PCDHGA1: variants seen among roughly 807,000 people sequenced by gnomAD.
PCDHGA1 encodes the protein protocadherin gamma-A1.
Under a neutral mutation model 58.0 loss-of-function variants are expected in PCDHGA1, and 32 were observed. The observed-to-expected ratio is 0.55, with a 90% CI of 0.42 to 0.74. The LOEUF is 0.74. Among genes scored for constraint, PCDHGA1 ranks in the 30% least tolerant of loss-of-function variants. The pLI, the probability that PCDHGA1 is intolerant of heterozygous loss-of-function variation, is 0.00. For synonymous variants in PCDHGA1, 498 were observed against 501.1 expected (o/e 0.99, Z 0.08); for missense variants, 1,205 against 1,182.3 (o/e 1.02, Z -0.28).
At chr5:141,372,516 A>C in intron 1 of PCDHGA1, 1 of 1,613,902 alleles carries the variant, frequency 6.2e-7, no homozygotes, top group Non-Finnish European at 8.5e-7. Context: ...CCTCGCGGTG[A>C]TTCTGGCAAT....
Position 141,393,390 on chromosome 5 carries a change from G to C in PCDHGA1, c.2421+60285G>C, listed in dbSNP as rs761230046. On this transcript the variant is annotated intron_variant, in intron 1 of 3. Coordinates refer to ENST00000517417, the MANE Select transcript of PCDHGA1 (RefSeq NM_018912.3). ...TGGAGACAATGGAGCCATAAACCCA[G>C]AGCTGGTGCTGGAGCGCGCCCTGGA... 24 of 1,613,882 alleles carry C rather than the reference G, an allele frequency of 1.5e-5. No homozygotes were observed. The South Asian group carries it at 2.5e-4, about 17-fold the overall frequency.
chr5:141,355,915 G>C, intron 1 of PCDHGA1: 2 of 1,613,748 alleles, frequency 1.2e-6, no homozygotes, highest in Non-Finnish European at 1.7e-6. Flanking sequence ...CAACGATAAT[G>C]CTCCCGTGTT....
chr5:141,494,678 G>A, intron 1 of PCDHGA1, 129 bp from the exon 2 acceptor site: 1 of 1,554,384 alleles, frequency 6.4e-7, no homozygotes, highest in Non-Finnish European at 8.7e-7. Flanking sequence ...GTCCACCCCT[G>A]CCCCCTCTTA....
intron 1 of PCDHGA1, chr5:141,430,441 C>A (rs1168234012): frequency 5.2e-6 from 1 of 192,346 alleles, no homozygotes; most frequent in Non-Finnish European, 1.0e-5. Flanking sequence ...GATTTCCATC[C>A]CCTTTTGAAG....
At chr5:141,383,396 C>G (rs749879106) in intron 1 of PCDHGA1, 3 of 1,614,028 alleles carry the variant, frequency 1.9e-6, no homozygotes, top group Non-Finnish European at 2.5e-6. Context: ...GGCACGAACT[C>G]CCTCCAGAGT....
chr5:141,484,922 GC>G (rs869160673), intron 1 of PCDHGA1: 1 of 481,378 alleles, frequency 2.1e-6, no homozygotes, highest in South Asian at 2.8e-5. Context: ...TAACCCTGCT[GC>G]TGTTGGGACG....
At chr5:141,368,939 G>A (rs920878647) in intron 1 of PCDHGA1, among the ~76,000 whole-genome samples, 3 of 152,146 alleles carry the variant, frequency 2.0e-5, no homozygotes, top group African/African-American at 7.2e-5. Context: ...TAGAATTCTG[G>A]TTACTGTGAG....
chr5:141,431,022 G>A lies in PCDHGA1; in HGVS notation c.2422-63785G>A. ...CGCAGCGGCAGCTTGGTCACGGCGG[G>A]CAGGATAGACCGGGAGGAGCTCTGT... On this transcript the variant is annotated intron_variant, in intron 1 of 3. Transcript: ENST00000517417. This position sits in a 1 kb window ranked among gnomAD's most constrained non-coding sequence, Gnocchi z 4.8. 1 of 1,614,078 alleles carries A rather than the reference G, an allele frequency of 6.2e-7. No individual in the cohort carries two copies. Among genetic ancestry groups the A allele is most frequent in the African/African-American group, 1.3e-5 (1 of 75,074 alleles).
At chr5:141,501,333 A>C (rs200092587) in intron 2 of PCDHGA1, among the ~76,000 whole-genome samples, 397 of 140,104 alleles carry the variant, frequency 2.8e-3, no homozygotes, top group Non-Finnish European at 2.6e-3. Flanking sequence ...ACACACACAC[A>C]CCCCAAACTC....
intron 1 of PCDHGA1, among the ~76,000 whole-genome samples, chr5:141,369,558 C>A (rs1389001825): frequency 6.6e-6 from 1 of 152,088 alleles, no homozygotes; most frequent in Non-Finnish European, 1.5e-5. Flanking sequence ...CACTTGGAAA[C>A]AAAGGAAAAG....
At position 141,334,248 on chromosome 5, in the gene PCDHGA1, A is replaced by T. The variant is rs1341662775; in HGVS notation, c.2421+1143A>T. The T allele has an allele frequency of 6.6e-6, 1 of 152,260 alleles. No homozygotes were observed. Among genetic ancestry groups the T allele is most frequent in the African/African-American group, 2.4e-5 (1 of 41,460 alleles). The allele number at this position is 152,260 out of a possible 1,614,324, so 9.4% of individuals were successfully genotyped here. A position where few individuals can be genotyped will look rare whatever the true frequency, so the allele number is the denominator to read the frequency against. On this transcript the variant is annotated intron_variant, in intron 1 of 3. Transcript: ENST00000517417. The surrounding 1 kb of genome is among the most constrained non-coding windows in gnomAD (Gnocchi z 4.6). Reference sequence around the variant, plus strand: ...GGACAGAAGTGCTTCAGACTAGATAAATATCTGGACCAGGCTTACTGCCTG... The same window carrying T: ...GGACAGAAGTGCTTCAGACTAGATATATATCTGGACCAGGCTTACTGCCTG...
At chr5:141,418,045 G>A (rs754041387) in intron 1 of PCDHGA1, 2 of 1,614,002 alleles carry the variant, frequency 1.2e-6, no homozygotes, top group East Asian at 2.2e-5. Flanking sequence ...TGGATGTGTC[G>A]GCTCGCGAGC....
At chr5:141,401,368 A>G (rs2094146364) in intron 1 of PCDHGA1, among the ~76,000 whole-genome samples, 3 of 152,186 alleles carry the variant, frequency 2.0e-5, no homozygotes, top group Admixed American at 2.0e-4. Flanking sequence ...GAAGGAGAGG[A>G]AGAAGAAGAA....
chr5:141,447,427 C>T (rs752438597), intron 1 of PCDHGA1, among the ~76,000 whole-genome samples: 2 of 152,174 alleles, frequency 1.3e-5, no homozygotes, highest in Non-Finnish European at 2.9e-5. Context: ...CGTGAGCCAC[C>T]GCACCCGGAG....
At chr5:141,355,176 C>T (rs1424920703) in intron 1 of PCDHGA1, 15 of 1,579,122 alleles carry the variant, frequency 9.5e-6, no homozygotes, top group African/African-American at 1.4e-5. Flanking sequence ...AACCGAAGCA[C>T]AGGCGACTCC....
intron 1 of PCDHGA1, chr5:141,351,557 A>T (rs750757830): frequency 1.2e-6 from 2 of 1,614,024 alleles, no homozygotes. Flanking sequence ...CTCCAGGACA[A>T]GCATCACCCT....
At position 141,486,923 on chromosome 5, in the gene PCDHGA1, G is replaced by A. The variant is rs1377159895; in HGVS notation, c.2422-7884G>A. ...ATGTCCCCAAGCACTGCCTCCATCAGTTGGTGCTGGCCACCTAATCACAAA... is the reference window on the plus strand; with the variant it reads ...ATGTCCCCAAGCACTGCCTCCATCAATTGGTGCTGGCCACCTAATCACAAA... On this transcript the variant is annotated intron_variant, in intron 1 of 3. Transcript: ENST00000517417. This position sits in a 1 kb window ranked among gnomAD's most constrained non-coding sequence, Gnocchi z 5.0. 6.2e-7 allele frequency: 1 copy of A among 1,614,252 alleles called. No individual in the cohort carries two copies. Among genetic ancestry groups the A allele is most frequent in the Admixed American group, 1.7e-5 (1 of 60,028 alleles).
At chr5:141,413,267 GA>G in intron 1 of PCDHGA1, 1 of 1,613,960 alleles carries the variant, frequency 6.2e-7, no homozygotes, top group Non-Finnish European at 8.5e-7. Flanking sequence ...TGGGAGGCTG[GA>G]GCCCGGCAGA....
At chr5:141,403,986 C>T in intron 1 of PCDHGA1, 1 of 1,613,704 alleles carries the variant, frequency 6.2e-7, no homozygotes, top group Non-Finnish European at 8.5e-7. Context: ...GACAATAGAC[C>T]TGAAGTGACC....
Sources: allele counts gnomAD v4.1 joint callset (sites outside exome capture counted in the v4.1 genomes callset), GRCh38; gene constraint gnomAD v4.1.1; non-coding constraint Gnocchi (gnomAD v3.1); transcripts MANE v1.5; gene names NCBI Gene and HGNC (gene_info 2026-07-23, HGNC 2026-07-21).